The following PUDP variants were observed in gnomAD, a reference collection of about 807,000 sequenced individuals.
PUDP encodes pseudouridine-5'-phosphatase.
Under a neutral mutation model 9.4 loss-of-function variants are expected in PUDP, and 8 were observed. The ratio of observed to expected loss-of-function variants is 0.85; its 90% confidence interval spans 0.50 to 1.53. PUDP has a LOEUF of 1.53. PUDP is among the 40% of genes most tolerant of loss of function. The probability of loss-of-function intolerance (pLI) is 0.00; values close to 1 mark genes in which losing one functional copy is unlikely to be tolerated. For missense variants in PUDP, 188 were observed against 189.7 expected, an observed-to-expected ratio of 0.99 and a Z score of 0.05; for synonymous variants, 99 against 80.7, an observed-to-expected ratio of 1.23 and a Z score of -1.22.
chrX:6,953,132 T>C (rs1928579621), intron 3 of PUDP, among the ~76,000 whole-genome samples: 1 of 111,907 alleles, frequency 8.9e-6, no homozygotes, highest in African/African-American at 3.2e-5. Context: ...TGTGAAGTTT[T>C]CCCACTGTTA....
intron 1 of PUDP, among the ~76,000 whole-genome samples, chrX:7,015,704 T>C (rs1395253281): frequency 9.0e-6 from 1 of 111,072 alleles, no homozygotes; most frequent in East Asian, 2.9e-4. Context: ...GCCTCTCAAG[T>C]AGGTAGGACT....
chrX:7,016,861 C>T lies in PUDP; in HGVS notation c.205-38518G>A, dbSNP rs772513360. ...CTGGCCACAACCCCAGACCTTGAGA[C>T]TCCAGTTCCACATGGGTCCAGGATA... is the stretch of plus-strand genomic sequence containing the variant. On this transcript the variant is annotated intron_variant and NMD_transcript_variant, in intron 1 of 3. Coordinates refer to the PUDP transcript ENST00000655425. Among the ~76,000 whole-genome samples, 3 of 111,199 alleles carry T rather than the reference C, an allele frequency of 2.7e-5. No homozygotes were observed. In the South Asian group the frequency reaches 1.2e-3, roughly 43 times the overall value.
chrX:6,826,497 G>A (rs1926424943), intron 3 of PUDP, among the ~76,000 whole-genome samples: 1 of 111,619 alleles, frequency 9.0e-6, no homozygotes, highest in Non-Finnish European at 1.9e-5. Context: ...AATAGTAGCT[G>A]AAAACTTACA....
At chrX:6,776,019 T>C in intron 3 of PUDP, among the ~76,000 whole-genome samples, 1 of 111,931 alleles carries the variant, frequency 8.9e-6, no homozygotes, top group African/African-American at 3.2e-5. Context: ...TGACAAACCC[T>C]TTCTCACGGT....
chrX:6,742,507 A>G (rs1924952458), intron 3 of PUDP, among the ~76,000 whole-genome samples: 1 of 112,350 alleles, frequency 8.9e-6, no homozygotes, highest in Non-Finnish European at 1.9e-5. Context: ...GGTGGCTCAT[A>G]CCTGTAATCC....
intron 1 of PUDP, among the ~76,000 whole-genome samples, chrX:6,988,711 T>C (rs1166670523): frequency 9.0e-6 from 1 of 111,002 alleles, no homozygotes; most frequent in Non-Finnish European, 1.9e-5. Flanking sequence ...ATAAACTTGT[T>C]TGTGGAGGCC....
At chrX:6,709,921 G>A (rs751389602) in intron 1 of PUDP, among the ~76,000 whole-genome samples, 8 of 111,423 alleles carry the variant, frequency 7.2e-5, no homozygotes, top group African/African-American at 2.0e-4. Context: ...TCAGGAGTTC[G>A]AGACCAGCCT....
At chrX:6,732,167 C>T (rs1356482282) in intron 3 of PUDP, among the ~76,000 whole-genome samples, 2 of 111,398 alleles carry the variant, frequency 1.8e-5, no homozygotes, top group African/African-American at 6.5e-5. Context: ...CCAGGCATCT[C>T]TCCTCCCCAG....
chrX:6,889,930 T>C (rs1927488318), intron 3 of PUDP, among the ~76,000 whole-genome samples: 1 of 111,100 alleles, frequency 9.0e-6, no homozygotes, highest in South Asian at 3.8e-4. Flanking sequence ...ATTTGAGACA[T>C]GATTTGCTGA....
At chrX:6,730,792 G>A (rs1314733067) in intron 3 of PUDP, among the ~76,000 whole-genome samples, 1 of 111,765 alleles carries the variant, frequency 8.9e-6, no homozygotes, top group East Asian at 2.8e-4. Context: ...ACTATTCTTG[G>A]AGCCCACAGT....
chrX:6,879,602 T>C (rs1268487579), intron 3 of PUDP, among the ~76,000 whole-genome samples: 1 of 111,944 alleles, frequency 8.9e-6, no homozygotes, highest in African/African-American at 3.2e-5. Flanking sequence ...GTGAAGCAGG[T>C]TCACTGTGCA....
chrX:6,814,348 T>C (rs2064173910), intron 3 of PUDP, among the ~76,000 whole-genome samples: 1 of 111,317 alleles, frequency 9.0e-6, no homozygotes, highest in African/African-American at 3.3e-5. Context: ...AAAAAAACTC[T>C]CAGTTTTTCA....
At chrX:7,033,132 T>C (rs1929812484) in intron 1 of PUDP, among the ~76,000 whole-genome samples, 1 of 111,834 alleles carries the variant, frequency 8.9e-6, no homozygotes, top group African/African-American at 3.3e-5. Context: ...GGATGCTTCC[T>C]GCCCTCAAAA....
chrX:6,908,600 T>C (rs565786539), intron 3 of PUDP, among the ~76,000 whole-genome samples: 3 of 111,387 alleles, frequency 2.7e-5, no homozygotes, highest in East Asian at 2.8e-4. Context: ...TGTGTGAAAA[T>C]AGTCATGGAA....
At chrX:6,784,663 G>T (rs1925618294) in intron 3 of PUDP, among the ~76,000 whole-genome samples, 1 of 112,068 alleles carries the variant, frequency 8.9e-6, no homozygotes, top group African/African-American at 3.2e-5. Context: ...CTATTTCTTA[G>T]TCAACAATAA....
At chrX:6,755,648 T>A (rs1925160588) in intron 3 of PUDP, among the ~76,000 whole-genome samples, 1 of 111,282 alleles carries the variant, frequency 9.0e-6, no homozygotes, top group Non-Finnish European at 1.9e-5. Flanking sequence ...GTCGCATTCA[T>A]GGAGAAATGA....
intron 1 of PUDP, among the ~76,000 whole-genome samples, chrX:7,106,123 T>C (rs1475912743): frequency 2.7e-5 from 3 of 112,713 alleles, no homozygotes; most frequent in Non-Finnish European, 5.6e-5. Flanking sequence ...TAAATGTACG[T>C]ATTTGAATCT....
chrX:6,749,046 C>T (rs1353278312), intron 3 of PUDP, among the ~76,000 whole-genome samples: 2 of 111,814 alleles, frequency 1.8e-5, no homozygotes, highest in African/African-American at 6.5e-5. Context: ...CTATGCACCC[C>T]AGAGGCGGCA....
intron 1 of PUDP, among the ~76,000 whole-genome samples, chrX:7,010,237 A>C (rs1043367901): frequency 9.0e-6 from 1 of 111,727 alleles, no homozygotes; most frequent in Non-Finnish European, 1.9e-5. Flanking sequence ...CATCACTTCA[A>C]TGTCCTGGAA....
Sources: allele counts gnomAD v4.1 joint callset (sites outside exome capture counted in the v4.1 genomes callset), GRCh38; gene constraint gnomAD v4.1.1; transcripts MANE v1.5; gene names NCBI Gene and HGNC (gene_info 2026-07-23, HGNC 2026-07-21).